The following TADA2A variants were observed in gnomAD, a reference collection of about 807,000 sequenced individuals.
The protein encoded by TADA2A is transcriptional adapter 2-alpha.
Under a neutral mutation model 67.4 loss-of-function variants are expected in TADA2A, and 38 were observed. The observed-to-expected ratio is 0.56, with a 90% CI of 0.44 to 0.74. The LOEUF (loss-of-function observed/expected upper bound fraction) is 0.74, where lower values mean the gene tolerates loss of function less well. Among genes scored for constraint, TADA2A ranks in the 30% least tolerant of loss-of-function variants. The pLI is 0.00. For synonymous variants in TADA2A, 192 were observed against 181.6 expected (o/e 1.06, Z -0.46); for missense variants, 454 against 547.0 (o/e 0.83, Z 1.70).
At chr17:37,472,388 C>T (rs1307565216) in intron 14 of TADA2A, among the ~76,000 whole-genome samples, 1 of 151,300 alleles carries the variant, frequency 6.6e-6, no homozygotes, top group African/African-American at 2.4e-5. Flanking sequence ...TTTTTTTTTC[C>T]CCCATTTATT....
chr17:37,425,286 C>G (rs1318559962), intron 3 of TADA2A, among the ~76,000 whole-genome samples: 2 of 152,142 alleles, frequency 1.3e-5, no homozygotes, highest in African/African-American at 2.4e-5. Flanking sequence ...GAAGACTGAT[C>G]TCTGTACAGA....
In TADA2A at chr17:37,439,841, A is replaced by C. The variant is rs117356486; in HGVS notation, c.285-664A>C. Among the ~76,000 whole-genome samples, 1,456 of 151,912 alleles carry C rather than the reference A, an allele frequency of 9.6e-3. 9 individuals carry two copies. Among genetic ancestry groups the C allele is most frequent in the Non-Finnish European group, 0.015 (1,006 of 67,978 alleles). On this transcript the variant is annotated intron_variant, in intron 5 of 15. Transcript: ENST00000615182. The stretch of plus-strand genomic sequence containing the variant: ...TTTGAATGTTCTGAAGTCACTTCTT[A>C]TTATTTACAGCAATTATTTCTGTAG...
At chr17:37,414,197 T>C (rs2051968709) in intron 2 of TADA2A, among the ~76,000 whole-genome samples, 1 of 152,184 alleles carries the variant, frequency 6.6e-6, no homozygotes, top group South Asian at 2.1e-4. Context: ...ATCTGTTCAC[T>C]TTTTTACTTA....
chr17:37,437,160 ACT>A (rs2052753121), intron 4 of TADA2A, among the ~76,000 whole-genome samples: 2 of 110,032 alleles, frequency 1.8e-5, no homozygotes, highest in Non-Finnish European at 3.6e-5. Context: ...ATCTCAGCTC[ACT>A]GCAAGCTCCG....
At chr17:37,434,450 C>T (rs960444623) in intron 4 of TADA2A, among the ~76,000 whole-genome samples, 3 of 152,184 alleles carry the variant, frequency 2.0e-5, no homozygotes, top group African/African-American at 7.2e-5. Context: ...GGAAGCTCCT[C>T]GCTCTCATTT....
chr17:37,429,736 A>G (rs944843682), intron 4 of TADA2A, among the ~76,000 whole-genome samples: 2 of 152,216 alleles, frequency 1.3e-5, no homozygotes, highest in Admixed American at 1.3e-4. Context: ...TCAGGGTCAG[A>G]TTCTAGGCCA....
intron 3 of TADA2A, 74 bp downstream of exon 3, chr17:37,423,689 T>C (rs530197847): frequency 1.5e-4 from 158 of 1,085,750 alleles, no homozygotes; most frequent in Middle Eastern, 2.1e-4. Context: ...CGGAGATTAC[T>C]GTCAACTGCT....
At chr17:37,444,653 G>A (rs1218687399) in intron 7 of TADA2A, 43 bp from the exon 8 acceptor site, 1 of 1,542,684 alleles carries the variant, frequency 6.5e-7, no homozygotes. Flanking sequence ...ACTAATCAAA[G>A]CCGATGGGTT....
intron 2 of TADA2A, among the ~76,000 whole-genome samples, chr17:37,419,006 C>T (rs1039915928): frequency 6.8e-6 from 1 of 146,142 alleles, no homozygotes; most frequent in East Asian, 2.1e-4. Context: ...GCTGGGGTTA[C>T]AGGCATGACC....
At chr17:37,470,172 TACAG>T (rs555717508) in intron 12 of TADA2A, among the ~76,000 whole-genome samples, 141 of 152,310 alleles carry the variant, frequency 9.3e-4, no homozygotes, top group African/African-American at 3.2e-3. Flanking sequence ...CCTTATTTCT[TACAG>T]ATAGAAAAGG....
At chr17:37,422,172 A>C (rs1407843554) in intron 2 of TADA2A, among the ~76,000 whole-genome samples, 2 of 144,480 alleles carry the variant, frequency 1.4e-5, no homozygotes, top group Non-Finnish European at 3.1e-5. Context: ...CAGCCTCCTG[A>C]GTAGCTGGGA....
chr17:37,451,353 CT>C (rs1378024069), intron 8 of TADA2A, among the ~76,000 whole-genome samples: 1 of 143,626 alleles, frequency 7.0e-6, no homozygotes, highest in African/African-American at 2.6e-5. Context: ...GAGACGCCCT[CT>C]GTAGCCCAGG....
chr17:37,446,611 C>A (rs771458540), intron 8 of TADA2A, among the ~76,000 whole-genome samples: 1 of 151,544 alleles, frequency 6.6e-6, no homozygotes, highest in African/African-American at 2.4e-5. Context: ...AAAAAAAAAC[C>A]TTTAAAACAA....
chr17:37,431,505 C>A (rs1174605572), intron 4 of TADA2A, among the ~76,000 whole-genome samples: 1 of 152,060 alleles, frequency 6.6e-6, no homozygotes, highest in African/African-American at 2.4e-5. Flanking sequence ...GTTTACCCAT[C>A]ACTAACTCTT....
intron 8 of TADA2A, among the ~76,000 whole-genome samples, chr17:37,446,972 C>T (rs904578349): frequency 9.2e-5 from 14 of 152,246 alleles, no homozygotes; most frequent in African/African-American, 3.4e-4. Context: ...GCTTTTCAAA[C>T]CCATAACATA....
intron 8 of TADA2A, among the ~76,000 whole-genome samples, chr17:37,447,477 A>G (rs1301455978): frequency 1.3e-5 from 2 of 152,114 alleles, no homozygotes; most frequent in Non-Finnish European, 2.9e-5. Flanking sequence ...TTTTAAAAAG[A>G]TGATAACACT....
At position 37,440,513 on chromosome 17, in the gene TADA2A, T is replaced by C. The variant is rs1376649458; in HGVS notation, c.293T>C (p.Val98Ala). 7 of 1,614,032 alleles carry C rather than the reference T, an allele frequency of 4.3e-6. No individual in the cohort carries two copies. Among genetic ancestry groups the C allele is most frequent in the Non-Finnish European group, 5.9e-6 (7 of 1,180,028 alleles). ...MDCGFGNWQD[V>A]ANQMCTKTKE... ...TTCCCACAATCCTCTAGGCAGGATGTAGCCAATCAAATGTGCACCAAGACC... is the reference window on the plus strand; with the variant it reads ...TTCCCACAATCCTCTAGGCAGGATGCAGCCAATCAAATGTGCACCAAGACC... The change falls in exon 6 of 16, where the codon GTA (valine) becomes GCA (alanine). Residue 98 changes from valine to alanine, a missense_variant. By Grantham distance (64) the Val-to-Ala change is moderately conservative (BLOSUM62 0). Around this residue, in one of 2 missense-constraint regions of TADA2A, gnomAD observed 403 missense variants for 455.5 expected, o/e 0.88. Coordinates refer to ENST00000615182, the MANE Select transcript of TADA2A (RefSeq NM_001166105.3).
chr17:37,441,119 A>G (rs1036433152), intron 6 of TADA2A, among the ~76,000 whole-genome samples: 6 of 151,364 alleles, frequency 4.0e-5, no homozygotes, highest in South Asian at 2.1e-4. Flanking sequence ...AAAAAGAGTC[A>G]GGATTATAAT....
chr17:37,452,573 C>G (rs1381794162), intron 8 of TADA2A, among the ~76,000 whole-genome samples: 1 of 152,158 alleles, frequency 6.6e-6, no homozygotes. Context: ...AGAGGCACTT[C>G]CTATCCTTGT....
Sources: gnomAD v4.1 joint callset for allele counts (sites outside exome capture counted in the v4.1 genomes callset) on GRCh38, gnomAD v4.1.1 for gene constraint, gnomAD v4.1.1 regional missense constraint, MANE v1.5 for transcripts, NCBI Gene and HGNC (gene_info 2026-07-23, HGNC 2026-07-21) for gene names.